The following MAP3K1 variants were observed in gnomAD, a reference collection of about 807,000 sequenced individuals.
MAP3K1 encodes the protein mitogen-activated protein kinase kinase kinase 1.
Under a neutral mutation model 144.2 loss-of-function variants are expected in MAP3K1, and 36 were observed. The observed-to-expected ratio is 0.25, with a 90% CI of 0.19 to 0.33. MAP3K1 has a LOEUF of 0.33. MAP3K1 is among the 10% of genes least tolerant of loss of function. The pLI is 1.00. For synonymous variants in MAP3K1, 718 were observed against 688.7 expected (o/e 1.04, Z -0.67); for missense variants, 1,650 against 1,881.9 (o/e 0.88, Z 2.28).
intron 14 of MAP3K1, 40 bp from the exon 15 acceptor site, chr5:56,883,487 T>G: frequency 1.3e-6 from 2 of 1,599,456 alleles, no homozygotes; most frequent in South Asian, 2.2e-5. Context: ...AAAATCTTAC[T>G]CCTTTAACAG....
chr5:56,818,123 T>G (rs1438754399), intron 1 of MAP3K1, among the ~76,000 whole-genome samples: 1 of 152,184 alleles, frequency 6.6e-6, no homozygotes, highest in Non-Finnish European at 1.5e-5. Flanking sequence ...TATAGTAAAA[T>G]GTTGATTCCC....
chr5:56,887,280 T>C lies in MAP3K1; in HGVS notation c.4115-98T>C, dbSNP rs556146242. 61 of 1,169,070 alleles carry C rather than the reference T, an allele frequency of 5.2e-5. 1 individual carries two copies. The South Asian group carries it at 7.5e-4, about 14-fold the overall frequency. The allele number at this position is 1,169,070 out of a possible 1,614,324, so 72.4% of individuals were successfully genotyped here. ...CTCTGACATGTAGTTCACTTCTTTC[T>C]TTTGTCATTGTCCTAGTTCATTAGT... On this transcript the variant is annotated intron_variant, in intron 17 of 19. Transcript: ENST00000399503.
intron 10 of MAP3K1, among the ~76,000 whole-genome samples, chr5:56,875,970 G>C (rs1162079653): frequency 1.3e-5 from 2 of 152,070 alleles, no homozygotes; most frequent in Non-Finnish European, 2.9e-5. Flanking sequence ...AGATTCAAAA[G>C]CCTTTTCAAA....
intron 6 of MAP3K1, among the ~76,000 whole-genome samples, chr5:56,870,510 A>G (rs1253559807): frequency 6.6e-6 from 1 of 152,230 alleles, no homozygotes; most frequent in Non-Finnish European, 1.5e-5. Context: ...TAAAAATTAC[A>G]TAAATCAAGG....
At position 56,875,057 on chromosome 5, in the gene MAP3K1, G is replaced by A. The variant is rs1190553633; in HGVS notation, c.1712G>A (p.Cys571Tyr). 1.9e-6 allele frequency: 3 copies of A among 1,614,092 alleles called. No homozygotes were observed. The Admixed American group carries it at 5.0e-5, about 27-fold the overall frequency. ...IQVFGMELVG[C>Y]LFSRNWNVRE... is the part of the protein sequence containing the mutation. ...GTGTTTGGAATGGAACTCGTTGGCT[G>A]CTTATTTTCTAGAAACTGGAATGTG... The change falls in exon 10 of 20, where the codon TGC becomes TAC. Residue 571 changes from cysteine to tyrosine, a missense_variant. This residue lies in a region of MAP3K1 where 841 missense variants were observed against 886.5 expected (regional missense o/e 0.95). Transcript: ENST00000399503.
chr5:56,842,923 C>G (rs945096708), intron 1 of MAP3K1, among the ~76,000 whole-genome samples: 2 of 152,160 alleles, frequency 1.3e-5, no homozygotes, highest in African/African-American at 4.8e-5. Context: ...CAGTCTCGCT[C>G]CAGAACTCAT....
At position 56,887,765 on chromosome 5, in the gene MAP3K1, G is replaced by T. The variant is rs1748428148; in HGVS notation, c.4257+245G>T. ...GCTGTTACTAATAAAGAATTCTGGG[G>T]TAATTTATAGCAGTTGTTTTGTAAT... On this transcript the variant is annotated intron_variant, in intron 18 of 19. Coordinates refer to ENST00000399503, the MANE Select transcript of MAP3K1 (RefSeq NM_005921.2). 9.8e-6 allele frequency: 5 copies of T among 510,038 alleles called. No individual in the cohort carries two copies. The South Asian group carries it at 1.1e-4, about 11-fold the overall frequency. The allele number at this position is 510,038 out of a possible 1,614,324, so 31.6% of individuals were successfully genotyped here.
chr5:56,872,546 C>T, intron 7 of MAP3K1, 95 bp from the exon 8 acceptor site: 3 of 759,834 alleles, frequency 3.9e-6, no homozygotes, highest in South Asian at 1.6e-5. Context: ...TTTGAGGTTC[C>T]TTCTATATAA....
Position 56,894,615 on chromosome 5 carries a change from A to T in MAP3K1, c.*935A>T. ...CTTAAAATTTATTTGAATTTTTTAG[A>T]TGTTTTGGTTGTCAAACTGTAGGAA... is the stretch of plus-strand genomic sequence containing the variant. On this transcript the variant is annotated 3_prime_UTR_variant, in exon 20 of 20. Coordinates refer to ENST00000399503, the MANE Select transcript of MAP3K1 (RefSeq NM_005921.2). The T allele has an allele frequency of 4.3e-6, 1 of 232,400 alleles. No individual in the cohort carries two copies. Among genetic ancestry groups the T allele is most frequent in the Non-Finnish European group, 8.5e-6 (1 of 117,554 alleles). 14.4% of individuals were successfully genotyped at this position (232,400 alleles called of 1,614,324 possible). A position where few individuals can be genotyped will look rare whatever the true frequency, so the allele number is the denominator to read the frequency against.
At chr5:56,820,626 A>G (rs1393082908) in intron 1 of MAP3K1, 13 of 985,070 alleles carry the variant, frequency 1.3e-5, no homozygotes, top group African/African-American at 1.7e-5. Context: ...ATCATAAGTG[A>G]AAGGAGATAA....
At chr5:56,816,798 T>G (rs996536718) in intron 1 of MAP3K1, among the ~76,000 whole-genome samples, 5 of 152,308 alleles carry the variant, frequency 3.3e-5, no homozygotes, top group East Asian at 3.9e-4. Flanking sequence ...CCCAAGGGGC[T>G]TTGAGTGTTC....
At chr5:56,840,160 T>C (rs1241594218) in intron 1 of MAP3K1, among the ~76,000 whole-genome samples, 1 of 152,120 alleles carries the variant, frequency 6.6e-6, no homozygotes, top group Admixed American at 6.6e-5. Context: ...TGTTTTTTGT[T>C]TTTTTGAGAT....
chr5:56,840,863 T>C (rs1746790701), intron 1 of MAP3K1, among the ~76,000 whole-genome samples: 1 of 151,412 alleles, frequency 6.6e-6, no homozygotes, highest in Non-Finnish European at 1.5e-5. Flanking sequence ...AATGCAAAAT[T>C]GTTAAGGTTT....
chr5:56,860,408 A>G (rs528844149), intron 3 of MAP3K1, among the ~76,000 whole-genome samples: 1 of 152,356 alleles, frequency 6.6e-6, no homozygotes, highest in South Asian at 2.1e-4. Context: ...CTAAAGGAGA[A>G]GTATTTGTGC....
At chr5:56,854,143 T>C (rs1747261343) in intron 1 of MAP3K1, among the ~76,000 whole-genome samples, 1 of 152,138 alleles carries the variant, frequency 6.6e-6, no homozygotes, top group African/African-American at 2.4e-5. Flanking sequence ...TCTAGGTGTT[T>C]ATTCTAAAGA....
rs757493757 is a variant in MAP3K1 at position 56,815,656 on chromosome 5, G to A, written c.83G>A (p.Gly28Glu). Residue 28 changes from glycine (G) to glutamate (E), a missense_variant, in exon 1 of 20, where the codon GGA becomes GAA. Gly to Glu is a moderately conservative substitution (Grantham distance 98). Transcript: ENST00000399503. ...ACGAGCCCTGAGGCAGGCGGCGGCG[G>A]AGGAGCCCTCAAGGCGAGCAGCGCG... ...RATSPEAGGGGGALKASSAPA... is the reference protein window; with the variant it reads ...RATSPEAGGGEGALKASSAPA... The A allele has an allele frequency of 3.0e-6, 4 of 1,335,126 alleles. No homozygotes were observed. The highest frequency in any genetic ancestry group is 1.9e-5 in the South Asian group (1 of 51,740). 82.7% of individuals were successfully genotyped at this position (1,335,126 alleles called of 1,614,324 possible). A position where few individuals can be genotyped will look rare whatever the true frequency, so the allele number is the denominator to read the frequency against.
intron 1 of MAP3K1, among the ~76,000 whole-genome samples, chr5:56,818,717 G>C (rs1316534996): frequency 6.6e-6 from 1 of 152,166 alleles, no homozygotes; most frequent in East Asian, 1.9e-4. Flanking sequence ...ACAGCCTATT[G>C]TGAGTTTGGT....
At chr5:56,847,969 T>C (rs1747048443) in intron 1 of MAP3K1, among the ~76,000 whole-genome samples, 1 of 152,206 alleles carries the variant, frequency 6.6e-6, no homozygotes, top group African/African-American at 2.4e-5. Flanking sequence ...TATTCATACA[T>C]TTTGAGCATG....
At chr5:56,875,392 T>G in intron 10 of MAP3K1, 82 bp downstream of exon 10, 1 of 1,458,154 alleles carries the variant, frequency 6.9e-7, no homozygotes, top group Non-Finnish European at 9.5e-7. Flanking sequence ...TAAGATACAA[T>G]AAAGCTACTT....
Sources: gnomAD v4.1 joint callset for allele counts (sites outside exome capture counted in the v4.1 genomes callset) on GRCh38, gnomAD v4.1.1 for gene constraint, gnomAD v4.1.1 regional missense constraint, MANE v1.5 for transcripts, NCBI Gene and HGNC (gene_info 2026-07-23, HGNC 2026-07-21) for gene names.